Variants in WDPCP observed in about 807,000 individuals in gnomAD.
WDPCP encodes WD repeat-containing and planar cell polarity effector protein fritz homolog.
In WDPCP, 71 loss-of-function variants were observed where a neutral mutation model predicts 93.1. The ratio of observed to expected loss-of-function variants is 0.76; its 90% CI spans 0.63 to 0.93. The LOEUF (loss-of-function observed/expected upper bound fraction) is 0.93, where lower values mean the gene tolerates loss of function less well. Among genes scored for constraint, WDPCP ranks in the 40% least tolerant of loss-of-function variants. The pLI is 0.00. For synonymous variants in WDPCP, 315 were observed against 315.0 expected, an observed-to-expected ratio of 1.00 and a Z score of 0.00; for missense variants, 844 against 887.4, an observed-to-expected ratio of 0.95 and a Z score of 0.62.
intron 15 of WDPCP, 137 bp downstream of exon 15, chr2:63,174,533 T>C: frequency 9.3e-7 from 1 of 1,075,156 alleles, no homozygotes; most frequent in South Asian, 1.4e-5. Flanking sequence ...ACCAAACTAC[T>C]GCAAAGTCTG....
chr2:63,662,765 T>G (rs1710240048), intron 2 of WDPCP, among the ~76,000 whole-genome samples: 1 of 152,206 alleles, frequency 6.6e-6, no homozygotes, highest in Non-Finnish European at 1.5e-5. Context: ...AACAGTACTA[T>G]ATCTCTAATT....
intron 1 of WDPCP, among the ~76,000 whole-genome samples, chr2:63,558,527 C>CA (rs57582852): frequency 6.4e-4 from 91 of 143,300 alleles, no homozygotes; most frequent in African/African-American, 1.0e-3. Flanking sequence ...GACTCTGTCT[C>CA]AAAAAAAAAA....
chr2:63,354,929 G>C (rs1188874377), intron 12 of WDPCP, among the ~76,000 whole-genome samples: 1 of 152,192 alleles, frequency 6.6e-6, no homozygotes, highest in Non-Finnish European at 1.5e-5. Flanking sequence ...AAAACTTGGA[G>C]AAGTATGGGA....
chr2:63,559,669 C>T (rs1706438458), intron 1 of WDPCP, among the ~76,000 whole-genome samples: 1 of 152,106 alleles, frequency 6.6e-6, no homozygotes, highest in Non-Finnish European at 1.5e-5. Flanking sequence ...AACTCCCATT[C>T]ACAACTGCTA....
At chr2:63,754,191 C>T (rs1669923314) in intron 2 of WDPCP, among the ~76,000 whole-genome samples, 1 of 152,148 alleles carries the variant, frequency 6.6e-6, no homozygotes, top group Admixed American at 6.5e-5. Flanking sequence ...AGCACAACTT[C>T]CCTAGTAAGT....
At chr2:63,521,565 C>A (rs948652184) in intron 1 of WDPCP, among the ~76,000 whole-genome samples, 2 of 152,100 alleles carry the variant, frequency 1.3e-5, no homozygotes, top group Non-Finnish European at 2.9e-5. Context: ...TAGATAAACA[C>A]ACAATAATAC....
At position 63,753,603 on chromosome 2, in the gene WDPCP, G is replaced by A. The variant is rs148106020; in HGVS notation, n.308+60019C>T. Among the ~76,000 whole-genome samples the A allele has an allele frequency of 4.1e-3, 627 of 152,240 alleles. 3 individuals carry two copies. The highest frequency in any genetic ancestry group is 0.014 in the African/African-American group (587 of 41,528). ...AAAGGGGAAACCAGCACTTCACATGGCCATAGCAGGAGGAAGAGTGAGAGG... is the reference window on the plus strand; with the variant it reads ...AAAGGGGAAACCAGCACTTCACATGACCATAGCAGGAGGAAGAGTGAGAGG... On this transcript the variant is annotated intron_variant and non_coding_transcript_variant, in intron 2 of 4. Transcript: ENST00000467687.
chr2:63,644,375 C>T (rs1265232263), intron 3 of WDPCP, among the ~76,000 whole-genome samples: 1 of 151,606 alleles, frequency 6.6e-6, no homozygotes, highest in Non-Finnish European at 1.5e-5. Flanking sequence ...TCCCGAGTAG[C>T]TGGGATTACA....
rs562398614 is a variant in WDPCP, at chr2:63,709,363, C to T, written n.309-58525G>A. ...CTGCTTTTTCCCTCCTCCATTCTTA[C>T]CCTCAGTCCCATCCCCTTCAGGCTT... is the stretch of plus-strand genomic sequence containing the variant. On this transcript the variant is annotated intron_variant and non_coding_transcript_variant, in intron 2 of 4. Transcript: ENST00000467687. Among the ~76,000 whole-genome samples, 6 of 152,172 alleles carry T rather than the reference C, an allele frequency of 3.9e-5. No homozygotes were observed. The East Asian group carries it at 1.2e-3, about 29-fold the overall frequency.
intron 12 of WDPCP, among the ~76,000 whole-genome samples, chr2:63,326,916 T>G (rs906322915): frequency 7.9e-5 from 12 of 152,236 alleles, no homozygotes; most frequent in African/African-American, 2.7e-4. Context: ...TCTGTAACCC[T>G]GTAACAACAC....
At chr2:63,612,693 G>C (rs568261445) in intron 3 of WDPCP, among the ~76,000 whole-genome samples, 23 of 152,022 alleles carry the variant, frequency 1.5e-4, no homozygotes, top group Non-Finnish European at 2.9e-4. Flanking sequence ...CTGGTTTTTT[G>C]TGAAGATGCT....
At chr2:63,136,602 G>T (rs1258195912) in intron 17 of WDPCP, among the ~76,000 whole-genome samples, 1 of 152,070 alleles carries the variant, frequency 6.6e-6, no homozygotes, top group Admixed American at 6.5e-5. Context: ...AGGTAAACTT[G>T]TGTAGTGGGG....
rs553951185 is a variant in WDPCP, at chr2:63,681,863, G to T, written n.309-31025C>A. 4.6e-5 allele frequency among the ~76,000 whole-genome samples: 7 copies of T among 152,284 alleles called. No individual in the cohort carries two copies. In the South Asian group the frequency reaches 1.2e-3, roughly 27 times the overall value. On this transcript the variant is annotated intron_variant and non_coding_transcript_variant, in intron 2 of 4. Transcript: ENST00000467687. ...AGAGAGACCCTCCCTTTGTTTGAGA[G>T]AAAGTAAAGGAAGAGAACAAGAGTC...
At chr2:63,303,679 A>G (rs1465842251) in intron 13 of WDPCP, among the ~76,000 whole-genome samples, 2 of 152,202 alleles carry the variant, frequency 1.3e-5, no homozygotes, top group Admixed American at 6.5e-5. Flanking sequence ...ACCAGGGGCA[A>G]CACGGTAAAG....
intron 2 of WDPCP, among the ~76,000 whole-genome samples, chr2:63,787,103 T>C (rs1670478789): frequency 6.6e-6 from 1 of 152,192 alleles, no homozygotes; most frequent in African/African-American, 2.4e-5. Flanking sequence ...TAAACTAGGA[T>C]ACCCTTGGAT....
At chr2:63,229,525 T>A (rs1208339247) in intron 14 of WDPCP, 3 of 152,162 alleles carry the variant, frequency 2.0e-5, no homozygotes, top group African/African-American at 7.2e-5. Flanking sequence ...GTGTCCTGAA[T>A]GGTATTGCCT....
upstream of WDPCP, chr2:63,589,241 G>A: frequency 6.4e-7 from 1 of 1,555,272 alleles, no homozygotes; most frequent in East Asian, 2.4e-5. Context: ...ACCTTGCGGG[G>A]TATGGGGCGC....
At chr2:63,523,376 A>G (rs957431675) in intron 1 of WDPCP, among the ~76,000 whole-genome samples, 2 of 152,354 alleles carry the variant, frequency 1.3e-5, no homozygotes, top group East Asian at 1.9e-4. Context: ...AGCTGGAAGC[A>G]TTCTCCTTGA....
chr2:63,245,849 A>T (rs1442591762), intron 14 of WDPCP, among the ~76,000 whole-genome samples: 2 of 152,164 alleles, frequency 1.3e-5, no homozygotes, highest in African/African-American at 2.4e-5. Flanking sequence ...AAAATATGTA[A>T]TAAATCAGGA....
Sources: gnomAD v4.1 joint callset for allele counts (sites outside exome capture counted in the v4.1 genomes callset) on GRCh38, gnomAD v4.1.1 for gene constraint, MANE v1.5 for transcripts, NCBI Gene and HGNC (gene_info 2026-07-23, HGNC 2026-07-21) for gene names.